The following ZBBX variants were observed in gnomAD, a reference collection of about 807,000 sequenced individuals.
The protein encoded by ZBBX is zinc finger B-box domain containing.
ZBBX carries 101 observed loss-of-function variants against 108.5 expected under a neutral mutation model. That is an observed-to-expected ratio of 0.93 (90% confidence interval 0.79 to 1.10). The LOEUF (loss-of-function observed/expected upper bound fraction) is 1.10, where lower values mean the gene tolerates loss of function less well. Among genes scored for constraint, ZBBX ranks in the 50% least tolerant of loss-of-function variants. The pLI is 0.00. For missense variants in ZBBX, 1,009 were observed against 941.4 expected (o/e 1.07, Z -0.94); for synonymous variants, 356 against 323.4 (o/e 1.10, Z -1.08).
At chr3:167,362,636 G>C (rs1379305337) in intron 6 of ZBBX, among the ~76,000 whole-genome samples, 1 of 151,986 alleles carries the variant, frequency 6.6e-6, no homozygotes, top group African/African-American at 2.4e-5. Context: ...TCCCAAAAAT[G>C]TTTCATCAAA....
upstream of ZBBX, among the ~76,000 whole-genome samples, chr3:167,382,153 T>A (rs1747770524): frequency 2.0e-5 from 3 of 152,226 alleles, no homozygotes; most frequent in Admixed American, 2.0e-4. Context: ...TTCTTGCACT[T>A]TTTGAAAGCA....
chr3:167,302,125 G>A (rs1732801548), intron 17 of ZBBX, among the ~76,000 whole-genome samples: 1 of 152,010 alleles, frequency 6.6e-6, no homozygotes, highest in South Asian at 2.1e-4. Context: ...TTTGTAATGT[G>A]TTGTAACATG....
the ZBBX span, among the ~76,000 whole-genome samples, chr3:167,199,392 A>G: frequency 1.3e-5 from 2 of 152,204 alleles, no homozygotes; most frequent in Non-Finnish European, 2.9e-5. Flanking sequence ...GCAAGTAATC[A>G]TCAAGCCATA....
At chr3:167,207,051 A>C in the ZBBX span, among the ~76,000 whole-genome samples, 1 of 152,192 alleles carries the variant, frequency 6.6e-6, no homozygotes, top group Non-Finnish European at 1.5e-5. Flanking sequence ...ATAGCAAAAA[A>C]GCTTCCTGAT....
At chr3:167,187,340 C>T in the ZBBX span, among the ~76,000 whole-genome samples, 1 of 152,140 alleles carries the variant, frequency 6.6e-6, no homozygotes, top group South Asian at 2.1e-4. Flanking sequence ...TATGCAAAAT[C>T]TTCTCCCTTC....
At position 167,352,237 on chromosome 3, in the gene ZBBX, C is replaced by A. The variant is rs1742787785; in HGVS notation, c.433-1722G>T. ...GAAAAAATTAATGAAATTGATCGAC[C>A]ACTAGCTAGATTAAGAAAAATGAGA... On this transcript the variant is annotated intron_variant, in intron 8 of 21. Coordinates refer to ENST00000675490, the MANE Select transcript of ZBBX (RefSeq NM_001199201.2). Among the ~76,000 whole-genome samples, 4 of 151,834 alleles carry A rather than the reference C, an allele frequency of 2.6e-5. No individual in the cohort carries two copies. In the Middle Eastern group the frequency reaches 0.01, roughly 387 times the overall value.
At position 167,240,623 on chromosome 3, in the gene ZBBX, A is replaced by C; in HGVS notation, c.*170T>G. 1 of 623,510 alleles carries C rather than the reference A, an allele frequency of 1.6e-6. No individual in the cohort carries two copies. The highest frequency in any genetic ancestry group is 2.6e-6 in the Non-Finnish European group (1 of 380,262). 38.6% of individuals were successfully genotyped at this position (623,510 alleles called of 1,614,324 possible). A position where few individuals can be genotyped will look rare whatever the true frequency, so the allele number is the denominator to read the frequency against. ...TTGACATATAATATATCATTGGAAG[A>C]ATAAGCCCTTGAACTTATAATTTTA... On this transcript the variant is annotated 3_prime_UTR_variant, in exon 22 of 22. Transcript: ENST00000675490.
intron 20 of ZBBX, among the ~76,000 whole-genome samples, chr3:167,243,715 C>T (rs1424878490): frequency 6.8e-6 from 1 of 146,402 alleles, no homozygotes; most frequent in East Asian, 2.0e-4. Flanking sequence ...AGGAACCAAA[C>T]ATCAACATAC....
intron 20 of ZBBX, among the ~76,000 whole-genome samples, chr3:167,249,710 C>T (rs568815754): frequency 1.5e-4 from 23 of 152,268 alleles, no homozygotes; most frequent in South Asian, 1.0e-3. Context: ...CCTGGAGAGA[C>T]GTTATGTTAC....
At chr3:167,235,168 G>T (rs920262550), downstream of ZBBX, among the ~76,000 whole-genome samples, 2 of 151,578 alleles carry the variant, frequency 1.3e-5, no homozygotes, top group Non-Finnish European at 3.0e-5. Context: ...TTATCCAGTA[G>T]CCTAACCTAC....
the ZBBX span, among the ~76,000 whole-genome samples, chr3:167,197,669 C>A: frequency 1.3e-5 from 2 of 151,930 alleles, no homozygotes; most frequent in East Asian, 1.9e-4. Flanking sequence ...AGAAAAATTC[C>A]AAAAAATACT....
Position 167,305,933 on chromosome 3 carries a change from C to G in ZBBX, c.1435G>C (p.Asp479His). ...TCAGGATCCACGATGTTGTCAAAATCTGTGTTTGAAGTTTCTGCTGTTAAA... is the reference window on the plus strand; with the variant it reads ...TCAGGATCCACGATGTTGTCAAAATGTGTGTTTGAAGTTTCTGCTGTTAAA... ...DNSKAETSNT[D>H]FDNIVDPDVY... is the part of the protein sequence containing the mutation. The change falls in exon 17 of 22, where the codon GAT becomes CAT. Residue 479 changes from aspartate to histidine, a missense_variant. Transcript: ENST00000675490. 1 of 1,552,902 alleles carries G rather than the reference C, an allele frequency of 6.4e-7. No homozygotes were observed. Among genetic ancestry groups the G allele is most frequent in the Non-Finnish European group, 8.7e-7 (1 of 1,152,706 alleles).
the ZBBX span, among the ~76,000 whole-genome samples, chr3:167,189,852 G>T: frequency 6.6e-6 from 1 of 152,046 alleles, no homozygotes; most frequent in African/African-American, 2.4e-5. Flanking sequence ...ACATTCAATG[G>T]GTTTTTGGAT....
At position 167,298,422 on chromosome 3, in the gene ZBBX, T is replaced by C; in HGVS notation, c.1762A>G (p.Thr588Ala). ...QEIACRSKPITKQYQGLERFF... is the reference protein window; with the variant it reads ...QEIACRSKPIAKQYQGLERFF... Reference sequence around the variant, plus strand: ...CTCTCAAGTCCTTGATATTGTTTTGTTATAGGCTTACTTCTGCAGGCTATT... The same window carrying C: ...CTCTCAAGTCCTTGATATTGTTTTGCTATAGGCTTACTTCTGCAGGCTATT... The change falls in exon 18 of 22, where the codon ACA becomes GCA. Residue 588 changes from threonine (T) to alanine (A), a missense_variant. Thr to Ala is a moderately conservative substitution (Grantham distance 58). Coordinates refer to ENST00000675490, the MANE Select transcript of ZBBX (RefSeq NM_001199201.2). 6.4e-7 allele frequency: 1 copy of C among 1,550,984 alleles called. No homozygotes were observed. The highest frequency in any genetic ancestry group is 8.8e-7 in the Non-Finnish European group (1 of 1,141,820).
intron 2 of ZBBX, among the ~76,000 whole-genome samples, chr3:167,378,363 C>T (rs976601394): frequency 1.6e-4 from 24 of 152,032 alleles, no homozygotes; most frequent in Non-Finnish European, 3.4e-4. Flanking sequence ...GGACAAGATA[C>T]CATTTTAAAA....
chr3:167,293,747 A>G (rs1184835903), intron 18 of ZBBX, among the ~76,000 whole-genome samples: 1 of 152,186 alleles, frequency 6.6e-6, no homozygotes, highest in East Asian at 1.9e-4. Flanking sequence ...GAAAAGAGGA[A>G]GTCAAATTGT....
At chr3:167,317,740 G>T in intron 12 of ZBBX, 143 bp from the exon 13 acceptor site, 2 of 505,274 alleles carry the variant, frequency 4.0e-6, no homozygotes, top group Non-Finnish European at 6.9e-6. Flanking sequence ...TCAAAGATAA[G>T]TACAATTGTA....
At chr3:167,368,369 TAAATG>T in intron 5 of ZBBX, 87 bp downstream of exon 5, 1 of 930,100 alleles carries the variant, frequency 1.1e-6, no homozygotes, top group Non-Finnish European at 1.6e-6. Context: ...ATCCATCCAT[TAAATG>T]TTTTTATTGG....
Position 167,250,100 on chromosome 3 carries a change from T to A in ZBBX, c.2255-7457A>T, listed in dbSNP as rs1243286318. ...GTCGAGAACAGCTAATCCTAAAAGA[T>A]AAATGTATTACCCAGGTAGCTCCTG... On this transcript the variant is annotated intron_variant, in intron 20 of 21. Coordinates refer to ENST00000675490, the MANE Select transcript of ZBBX (RefSeq NM_001199201.2). Among the ~76,000 whole-genome samples, 5 of 152,274 alleles carry A rather than the reference T, an allele frequency of 3.3e-5. 1 individual carries two copies. The highest frequency in any genetic ancestry group is 3.3e-4 in the Admixed American group (5 of 15,300).
Sources: allele counts gnomAD v4.1 joint callset (sites outside exome capture counted in the v4.1 genomes callset), GRCh38; gene constraint gnomAD v4.1.1; transcripts MANE v1.5; gene names NCBI Gene and HGNC (gene_info 2026-07-23, HGNC 2026-07-21).